Variants in DYSF observed in about 807,000 individuals in gnomAD.
DYSF encodes dysferlin.
DYSF carries 212 observed loss-of-function variants against 274.9 expected under a neutral mutation model. The observed-to-expected ratio is 0.77, with a 90% CI of 0.69 to 0.86. DYSF has a LOEUF of 0.86. Among genes scored for constraint, DYSF ranks in the 40% least tolerant of loss-of-function variants. The probability of loss-of-function intolerance (pLI) is 0.00; values close to 1 mark genes in which losing one functional copy is unlikely to be tolerated. For synonymous variants in DYSF, 1,091 were observed against 1,078.7 expected, an observed-to-expected ratio of 1.01 and a Z score of -0.22; for missense variants, 2,666 against 2,783.2, an observed-to-expected ratio of 0.96 and a Z score of 0.95.
At chr2:71,539,713 C>A (rs976749957) in intron 17 of DYSF, among the ~76,000 whole-genome samples, 2 of 152,104 alleles carry the variant, frequency 1.3e-5, no homozygotes, top group Non-Finnish European at 2.9e-5. Context: ...ACTCCGAGAC[C>A]TTTCTGTATG....
At chr2:71,457,962 A>G (rs546269516) in intron 1 of DYSF, among the ~76,000 whole-genome samples, 1 of 152,336 alleles carries the variant, frequency 6.6e-6, no homozygotes, top group East Asian at 1.9e-4. Context: ...GGGGCTCAGA[A>G]GAGCGGCTAG....
chr2:71,524,506 C>A (rs561807340), intron 12 of DYSF, among the ~76,000 whole-genome samples: 1 of 152,276 alleles, frequency 6.6e-6, no homozygotes, highest in Admixed American at 6.5e-5. Flanking sequence ...TATGGGCATT[C>A]TGGGATTGAG....
At chr2:71,560,596 C>G (rs937108203) in intron 22 of DYSF, among the ~76,000 whole-genome samples, 2 of 152,186 alleles carry the variant, frequency 1.3e-5, no homozygotes, top group African/African-American at 2.4e-5. Flanking sequence ...CTGCTCCCCC[C>G]ATCCTAAAAA....
At chr2:71,658,256 C>G (rs2094811806) in intron 43 of DYSF, among the ~76,000 whole-genome samples, 1 of 152,216 alleles carries the variant, frequency 6.6e-6, no homozygotes, top group Non-Finnish European at 1.5e-5. Flanking sequence ...TTCCCCATCT[C>G]TATCTGAGAC....
In DYSF at chr2:71,600,836, A is replaced by G; in HGVS notation, c.3891A>G (p.Arg1297=). Reference sequence around the variant, plus strand: ...TGGCCTCTTTTGAGCTCATCCAGAGAGAGAAGGTGAGGCTGGTCTATATCC... The same window carrying G: ...TGGCCTCTTTTGAGCTCATCCAGAGGGAGAAGGTGAGGCTGGTCTATATCC... ...ELLASFELIQ[R]EKPAIHHIPG... is the part of the protein sequence containing the mutation. Residue 1297 remains arginine, a synonymous_variant, in exon 34 of 56, where the codon AGA becomes AGG. Transcript: ENST00000410020. The G allele has an allele frequency of 6.2e-7, 1 of 1,610,970 alleles. No individual in the cohort carries two copies. The highest frequency in any genetic ancestry group is 8.5e-7 in the Non-Finnish European group (1 of 1,179,996).
At chr2:71,679,734 C>T (rs1210299610) in intron 53 of DYSF, among the ~76,000 whole-genome samples, 1 of 152,162 alleles carries the variant, frequency 6.6e-6, no homozygotes, top group Non-Finnish European at 1.5e-5. Context: ...TTAGAAATTT[C>T]AGGCAGCCAG....
At chr2:71,574,082 A>T in intron 29 of DYSF, 116 bp from the exon 30 acceptor site, 1 of 1,299,298 alleles carries the variant, frequency 7.7e-7, no homozygotes, top group Non-Finnish European at 1.1e-6. Context: ...GGAGGGCACT[A>T]GTGTGGGAGC....
In DYSF at chr2:71,682,624, A is replaced by C; in HGVS notation, c.6268A>C (p.Ile2090Leu). ...RRFRWAIILF[I>L]ILFILLLFLA... ...TTTCCGGTGGGCCATCATCCTCTTC[A>C]TCATCCTCTTCATCCTGCTGCTGTT... The change falls in exon 55 of 56, where the codon ATC (isoleucine) becomes CTC (leucine). Residue 2090 changes from isoleucine to leucine, a missense_variant. By Grantham distance (5) the Ile-to-Leu change is conservative. Around this residue, in one of 3 missense-constraint regions of DYSF, gnomAD observed 1,460 missense variants for 1,502.1 expected, o/e 0.97. Transcript: ENST00000410020. 1 of 1,613,994 alleles carries C rather than the reference A, an allele frequency of 6.2e-7. No homozygotes were observed. The highest frequency in any genetic ancestry group is 8.5e-7 in the Non-Finnish European group (1 of 1,179,982).
At chr2:71,617,439 G>C (rs2093909461) in intron 40 of DYSF, among the ~76,000 whole-genome samples, 1 of 152,216 alleles carries the variant, frequency 6.6e-6, no homozygotes, top group African/African-American at 2.4e-5. Flanking sequence ...TGAGGCGGGT[G>C]GGTGAACAGG....
At chr2:71,613,246 T>G (rs538230822) in intron 39 of DYSF, 88 bp from the exon 40 acceptor site, 1 of 1,188,800 alleles carries the variant, frequency 8.4e-7, no homozygotes, top group African/African-American at 1.5e-5. Flanking sequence ...GGGTCTTGTC[T>G]TGGTCCCTTG....
At chr2:71,479,404 G>T (rs745947397) in intron 1 of DYSF, among the ~76,000 whole-genome samples, 5 of 151,724 alleles carry the variant, frequency 3.3e-5, no homozygotes, top group Non-Finnish European at 7.4e-5. Context: ...CTGACCTGTC[G>T]GTCCACATGG....
intron 3 of DYSF, 47 bp downstream of exon 3, chr2:71,482,017 G>A: frequency 6.6e-7 from 1 of 1,506,540 alleles, no homozygotes; most frequent in South Asian, 1.1e-5. Context: ...GGTGCAGGTA[G>A]GATTGTGGAG....
chr2:71,654,614 C>T (rs528351008), intron 42 of DYSF, among the ~76,000 whole-genome samples: 1 of 151,962 alleles, frequency 6.6e-6, no homozygotes, highest in East Asian at 1.9e-4. Context: ...GAGACTCCAT[C>T]TCTACAGAAA....
chr2:71,653,282 C>A (rs1305491432), intron 42 of DYSF, among the ~76,000 whole-genome samples: 8 of 152,204 alleles, frequency 5.3e-5, no homozygotes, highest in South Asian at 4.2e-4. Context: ...ACTAGAAATA[C>A]CATTTGACCC....
chr2:71,675,985 G>A (rs1314298229), intron 52 of DYSF, among the ~76,000 whole-genome samples: 7 of 152,014 alleles, frequency 4.6e-5, no homozygotes, highest in African/African-American at 1.7e-4. Context: ...CTGGTCAGTA[G>A]GTATCGATCT....
At chr2:71,637,946 G>A (rs188937126) in intron 41 of DYSF, among the ~76,000 whole-genome samples, 99 of 152,282 alleles carry the variant, frequency 6.5e-4, no homozygotes, top group Middle Eastern at 3.4e-3. Context: ...GTGTGGCCGG[G>A]AGGAAGGTCA....
At chr2:71,563,979 G>T in intron 23 of DYSF, 79 bp from the exon 24 acceptor site, 1 of 1,597,608 alleles carries the variant, frequency 6.3e-7, no homozygotes, top group Non-Finnish European at 8.6e-7. Context: ...CTCTGAGTCA[G>T]AGGTCAGCTC....
At chr2:71,547,251 A>G (rs80223134) in intron 17 of DYSF, among the ~76,000 whole-genome samples, 2,337 of 152,332 alleles carry the variant, frequency 0.015, 35 homozygotes, top group Non-Finnish European at 0.02. Context: ...CCAAGTCAGG[A>G]GTCATTGACC....
chr2:71,532,686 C>A (rs374077443), intron 14 of DYSF, among the ~76,000 whole-genome samples: 22 of 152,162 alleles, frequency 1.4e-4, no homozygotes, highest in Non-Finnish European at 7.3e-5. Context: ...CCGTGTGCAT[C>A]CTATGTGTGT....
Sources: allele counts gnomAD v4.1 joint callset (sites outside exome capture counted in the v4.1 genomes callset), GRCh38; gene constraint gnomAD v4.1.1; regional missense constraint gnomAD v4.1.1; transcripts MANE v1.5; gene names NCBI Gene and HGNC (gene_info 2026-07-23, HGNC 2026-07-21).